OS9: variants seen among roughly 807,000 people sequenced by gnomAD.
OS9 encodes protein OS-9.
A neutral mutation model predicts 84.7 loss-of-function variants in OS9; 58 were observed. That is an observed-to-expected ratio of 0.68 (90% CI 0.55 to 0.85). OS9 has a LOEUF of 0.85. Ranked by LOEUF, OS9 falls within the 40% of genes least tolerant of loss-of-function variation. The pLI is 0.00. For missense variants in OS9, 760 were observed against 850.9 expected, an observed-to-expected ratio of 0.89 and a Z score of 1.33; for synonymous variants, 278 against 320.8, an observed-to-expected ratio of 0.87 and a Z score of 1.43.
At chr12:57,697,965 A>ACACACACACC (rs1286161062) in intron 5 of OS9, among the ~76,000 whole-genome samples, 1 of 147,748 alleles carries the variant, frequency 6.8e-6, no homozygotes, top group African/African-American at 2.5e-5. Context: ...ACACACACAC[A>ACACACACACC]CCCTATTGCT....
chr12:57,701,262 A>ATT lies in OS9; in HGVS notation c.579+4919_579+4920dup, dbSNP rs556973162. Among the ~76,000 whole-genome samples the ATT allele has an allele frequency of 6.7e-4, 48 of 71,468 alleles. 5 individuals carry two copies. Among genetic ancestry groups the ATT allele is most frequent in the African/African-American group, 1.3e-3 (22 of 17,332 alleles). The allele number at this position is 71,468 out of a possible 152,430, so 46.9% of individuals were successfully genotyped here. ...CATGACATGGAACTCTGGTTGAGTG[A>ATT]TTTTTTTTTTTTTTTTTTTTTTTTT... On this transcript the variant is annotated intron_variant, in intron 5 of 14. Transcript: ENST00000315970.
intron 6 of OS9, 51 bp downstream of exon 6, chr12:57,716,021 T>G (rs1346397943): frequency 1.9e-6 from 3 of 1,596,620 alleles, no homozygotes; most frequent in Non-Finnish European, 2.6e-6. Context: ...GGGCAGGGGG[T>G]GGCAAAAGAT....
At chr12:57,706,428 T>C (rs1246877578) in intron 5 of OS9, among the ~76,000 whole-genome samples, 1 of 152,182 alleles carries the variant, frequency 6.6e-6, no homozygotes, top group Non-Finnish European at 1.5e-5. Flanking sequence ...AGTGAATTGG[T>C]CTATAATTTT....
chr12:57,696,371 C>A lies in OS9; in HGVS notation c.577C>A (p.Arg193=). The change falls in exon 5 of 15, where the codon CGG becomes AGG. Residue 193 remains arginine (R), a splice_region_variant and synonymous_variant. Coordinates refer to ENST00000315970, the MANE Select transcript of OS9 (RefSeq NM_006812.4). ...TGGGAGGCCCCGGGAGGCCGAGGTT[C>A]GGGTGAGTCTTGAGAGAGGGAAGTT... ...LNGRPREAEV[R]FLCDEGAGIS... is the part of the protein sequence containing the mutation. 1 of 1,486,532 alleles carries A rather than the reference C, an allele frequency of 6.7e-7. No individual in the cohort carries two copies. The allele number at this position is 1,486,532 out of a possible 1,614,324, so 92.1% of individuals were successfully genotyped here.
intron 5 of OS9, among the ~76,000 whole-genome samples, chr12:57,706,152 C>A (rs1172612883): frequency 6.6e-6 from 1 of 152,104 alleles, no homozygotes; most frequent in East Asian, 1.9e-4. Context: ...TTTGCAGATA[C>A]CTTTTATCAG....
intron 8 of OS9, 33 bp downstream of exon 8, chr12:57,716,545 G>A: frequency 1.3e-6 from 2 of 1,541,276 alleles, no homozygotes; most frequent in Non-Finnish European, 1.8e-6. Context: ...AGCAGGATGG[G>A]GATGGGGAGG....
In OS9 at chr12:57,720,789, G is replaced by C. The variant is rs757902093; in HGVS notation, c.1884G>C (p.Pro628=). The change falls in exon 15 of 15, where the codon CCG becomes CCC. Residue 628 remains proline, a synonymous_variant. Coordinates refer to ENST00000315970, the MANE Select transcript of OS9 (RefSeq NM_006812.4). ...LKEIFFNILV[P]GAEEAQKERQ... ...CCTCTACCCTCTCCCACCAGGTGCCGGGAGCTGAAGAGGCCCAGAAGGAAC... is the reference window on the plus strand; with the variant it reads ...CCTCTACCCTCTCCCACCAGGTGCCCGGAGCTGAAGAGGCCCAGAAGGAAC... 1 of 1,607,886 alleles carries C rather than the reference G, an allele frequency of 6.2e-7. No homozygotes were observed. Among genetic ancestry groups the C allele is most frequent in the Non-Finnish European group, 8.5e-7 (1 of 1,176,732 alleles).
At chr12:57,709,189 A>G (rs1954258864) in intron 5 of OS9, among the ~76,000 whole-genome samples, 1 of 152,128 alleles carries the variant, frequency 6.6e-6, no homozygotes, top group African/African-American at 2.4e-5. Context: ...TAAGAACTCT[A>G]TATAGTAGAG....
intron 5 of OS9, among the ~76,000 whole-genome samples, chr12:57,702,894 A>C (rs1451587478): frequency 1.3e-5 from 2 of 152,048 alleles, no homozygotes; most frequent in Non-Finnish European, 2.9e-5. Context: ...TTTTTGGAGA[A>C]ATGTCTATTC....
intron 5 of OS9, among the ~76,000 whole-genome samples, chr12:57,710,605 A>G (rs947678282): frequency 6.6e-6 from 1 of 152,018 alleles, no homozygotes; most frequent in African/African-American, 2.4e-5. Context: ...CCTCTTTTAT[A>G]TCTCATAAAT....
Position 57,694,800 on chromosome 12 carries a change from T to C in OS9, c.213T>C (p.Tyr71=). ...VIVSSKYKQR[Y]ECRLPAGAIH... is the part of the protein sequence containing the mutation. ...TCTCCTCTAAGTACAAACAGCGCTA[T>C]GAGTGTCGCCTGCCAGCTGGAGCTA... Residue 71 remains tyrosine, a synonymous_variant, in exon 2 of 15, where the codon TAT becomes TAC. Transcript: ENST00000315970. The C allele has an allele frequency of 6.2e-7, 1 of 1,614,080 alleles. No homozygotes were observed. Among genetic ancestry groups the C allele is most frequent in the Non-Finnish European group, 8.5e-7 (1 of 1,180,002 alleles).
chr12:57,709,822 T>C (rs1954274772), intron 5 of OS9, among the ~76,000 whole-genome samples: 2 of 152,150 alleles, frequency 1.3e-5, no homozygotes, highest in African/African-American at 4.8e-5. Context: ...TGTGGTCATA[T>C]ATATTATCCC....
At position 57,720,445 on chromosome 12, in the gene OS9, GGACTGAAGAGGGTGCACGTTGGCT is replaced by G. The variant is rs1277310130; in HGVS notation, c.1812_1835del (p.Glu604_Thr611del). 1.9e-6 allele frequency: 3 copies of G among 1,614,006 alleles called. No homozygotes were observed. Among genetic ancestry groups the G allele is most frequent in the African/African-American group, 1.3e-5 (1 of 74,956 alleles). ...AAAATTGTCCGCCCATGGGCTGAAG[GGACTGAAGAGGGTGCACGTTGGCT>G]GACTGATGAGGACACGAGAAACCTC... On this transcript the variant is annotated inframe_deletion, in exon 14 of 15. Coordinates refer to ENST00000315970, the MANE Select transcript of OS9 (RefSeq NM_006812.4).
intron 5 of OS9, among the ~76,000 whole-genome samples, chr12:57,698,712 A>G (rs537029060): frequency 6.6e-6 from 1 of 152,200 alleles, no homozygotes; most frequent in Non-Finnish European, 1.5e-5. Flanking sequence ...GCCTGGAGAC[A>G]AGAGGCAATG....
chr12:57,717,814 A>ATTT (rs370691136), intron 9 of OS9, 56 bp from the exon 10 acceptor site: 7 of 1,042,304 alleles, frequency 6.7e-6, no homozygotes, highest in South Asian at 1.6e-5. Flanking sequence ...AAAAAAAAAA[A>ATTT]AAAAAGAATT....
intron 5 of OS9, among the ~76,000 whole-genome samples, chr12:57,701,251 C>T (rs73125462): frequency 2.8e-5 from 4 of 142,020 alleles, no homozygotes; most frequent in Non-Finnish European, 4.5e-5. Flanking sequence ...ACATGGAACT[C>T]TGGTTGAGTG....
intron 5 of OS9, among the ~76,000 whole-genome samples, chr12:57,705,819 T>C (rs1157802293): frequency 6.6e-6 from 1 of 152,156 alleles, no homozygotes; most frequent in Non-Finnish European, 1.5e-5. Context: ...CCACTGTGCC[T>C]GGCCAAAAAT....
In OS9 at chr12:57,720,930, C is replaced by G; in HGVS notation, c.*21C>G. The G allele has an allele frequency of 6.2e-7, 1 of 1,613,860 alleles. No homozygotes were observed. Among genetic ancestry groups the G allele is most frequent in the Non-Finnish European group, 8.5e-7 (1 of 1,179,822 alleles). ...TCTGAGACCAACACTACACTTGACC[C>G]TTCACGGAATCCAGACTCTTCCTGG... On this transcript the variant is annotated 3_prime_UTR_variant, in exon 15 of 15. Transcript: ENST00000315970.
At chr12:57,713,703 T>A (rs2140324108) in intron 5 of OS9, among the ~76,000 whole-genome samples, 1 of 151,376 alleles carries the variant, frequency 6.6e-6, no homozygotes, top group Non-Finnish European at 1.5e-5. Context: ...CCCCACTTTT[T>A]TTTTTTTTTT....
Sources: allele counts gnomAD v4.1 joint callset (sites outside exome capture counted in the v4.1 genomes callset), GRCh38; gene constraint gnomAD v4.1.1; transcripts MANE v1.5; gene names NCBI Gene and HGNC (gene_info 2026-07-23, HGNC 2026-07-21).